Variants in SLC38A8 observed in about 807,000 individuals in gnomAD.
SLC38A8 encodes the protein amino acid transporter SLC38A8.
A neutral mutation model predicts 46.0 loss-of-function variants in SLC38A8; 65 were observed. That is an observed-to-expected ratio of 1.41 (90% CI 1.16 to 1.74). SLC38A8 has a LOEUF of 1.74. SLC38A8 is among the 40% of genes most tolerant of loss of function. SLC38A8 has a pLI of 0.00. For synonymous variants in SLC38A8, 447 were observed against 243.7 expected, an observed-to-expected ratio of 1.83 and a Z score of -7.77; for missense variants, 998 against 567.9, an observed-to-expected ratio of 1.76 and a Z score of -7.70.
intron 7 of SLC38A8, among the ~76,000 whole-genome samples, chr16:84,018,025 T>C (rs1250438628): frequency 1.3e-5 from 2 of 152,070 alleles, no homozygotes; most frequent in African/African-American, 4.8e-5. Context: ...TCTTAGTCCA[T>C]TTTTTGTTGC....
At chr16:84,014,269 C>G (rs2084996596) in intron 9 of SLC38A8, among the ~76,000 whole-genome samples, 1 of 150,944 alleles carries the variant, frequency 6.6e-6, no homozygotes, top group Non-Finnish European at 1.5e-5. Context: ...CACAAGGCCA[C>G]ACCCCTCACC....
intron 9 of SLC38A8, among the ~76,000 whole-genome samples, chr16:84,014,250 G>A (rs1184690479): frequency 1.3e-5 from 2 of 151,216 alleles, no homozygotes; most frequent in African/African-American, 4.9e-5. Context: ...CTAAGCCCGA[G>A]GGAGAAGCCA....
intron 9 of SLC38A8, among the ~76,000 whole-genome samples, 168 bp from the exon 10 acceptor site, chr16:84,013,220 G>C (rs1385171615): frequency 1.3e-5 from 2 of 152,124 alleles, no homozygotes; most frequent in African/African-American, 4.8e-5. Context: ...GGAAGGACGG[G>C]GCTGGAGTCC....
intron 2 of SLC38A8, among the ~76,000 whole-genome samples, chr16:84,039,458 A>AG (rs1000211178): frequency 6.6e-6 from 1 of 152,134 alleles, no homozygotes; most frequent in Non-Finnish European, 1.5e-5. Context: ...GTTGAAAGGC[A>AG]GGGGGGCCGG....
chr16:84,032,107 C>G (rs1348302785), intron 4 of SLC38A8, 139 bp from the exon 5 acceptor site: 13 of 689,592 alleles, frequency 1.9e-5, no homozygotes, highest in Non-Finnish European at 3.3e-5. Context: ...GCCTCACCAT[C>G]CTCATCTGTA....
chr16:84,035,217 G>A (rs779540358), intron 3 of SLC38A8, among the ~76,000 whole-genome samples: 24 of 152,280 alleles, frequency 1.6e-4, no homozygotes, highest in Middle Eastern at 3.4e-3. Context: ...AACTGCAGAC[G>A]AACTCTACTT....
chr16:84,022,057 G>C (rs1433907843), intron 7 of SLC38A8, among the ~76,000 whole-genome samples: 1 of 152,138 alleles, frequency 6.6e-6, no homozygotes. Flanking sequence ...ATCCCCTCTT[G>C]AAGGCCCCAC....
At chr16:84,030,974 T>G (rs924581287) in intron 5 of SLC38A8, among the ~76,000 whole-genome samples, 3 of 152,138 alleles carry the variant, frequency 2.0e-5, no homozygotes, top group Non-Finnish European at 2.9e-5. Context: ...GGCCTCCCAC[T>G]TGGTCTCTGT....
chr16:84,042,557 A>C lies in SLC38A8; in HGVS notation c.-9T>G. The C allele has an allele frequency of 5.0e-5, 8 of 159,474 alleles. No individual in the cohort carries two copies. The highest frequency in any genetic ancestry group is 6.9e-5 in the Non-Finnish European group (5 of 72,682). The allele number at this position is 159,474 out of a possible 1,614,324, so 9.9% of individuals were successfully genotyped here. Reference sequence around the variant, plus strand: ...CCCAGTTCCTGGTCCTTACCACCAAATCCAACTTTTAAGGTGCCGGACAGT... The same window carrying C: ...CCCAGTTCCTGGTCCTTACCACCAACTCCAACTTTTAAGGTGCCGGACAGT... On this transcript the variant is annotated 5_prime_UTR_variant, in exon 1 of 11. Coordinates refer to ENST00000299709, the MANE Select transcript of SLC38A8 (RefSeq NM_001080442.3).
intron 3 of SLC38A8, 113 bp downstream of exon 3, chr16:84,036,589 T>C (rs2085301603): frequency 8.2e-7 from 1 of 1,221,056 alleles, no homozygotes; most frequent in Non-Finnish European, 1.2e-6. Flanking sequence ...TTTCAGCCTC[T>C]GCTGTCCCTC....
rs2085270606 is a variant in SLC38A8 at position 84,033,556 on chromosome 16, G to A, written c.389-87C>T. ...ACCTGGCCCTTCAACCCTGGCTGGG[G>A]TTGGACATCCACCCTCAGCCAGCCC... On this transcript the variant is annotated intron_variant, in intron 3 of 10. Transcript: ENST00000299709. 1.0e-5 allele frequency: 15 copies of A among 1,455,712 alleles called. No homozygotes were observed. The Admixed American group carries it at 1.5e-4, about 15-fold the overall frequency. The allele number at this position is 1,455,712 out of a possible 1,614,324, so 90.2% of individuals were successfully genotyped here.
chr16:84,042,062 G>A lies in SLC38A8; in HGVS notation c.96C>T (p.Ile32=), dbSNP rs2085373854. The A allele has an allele frequency of 6.2e-7, 1 of 1,614,070 alleles. No individual in the cohort carries two copies. Among genetic ancestry groups the A allele is most frequent in the East Asian group, 2.2e-5 (1 of 44,878 alleles). ...ATLSSMGAVF[I]LMKSALGAGL... ...CAGCTCCCAGCGCGGACTTCATGAG[G>A]ATGAAGACAGCGCCCATCGAGGACA... is the stretch of plus-strand genomic sequence containing the variant. The change falls in exon 2 of 11, where the codon ATC becomes ATT. Residue 32 remains isoleucine (I), a synonymous_variant. Coordinates refer to ENST00000299709, the MANE Select transcript of SLC38A8 (RefSeq NM_001080442.3).
chr16:84,009,742 C>T lies in SLC38A8; in HGVS notation c.*42G>A. On this transcript the variant is annotated 3_prime_UTR_variant, in exon 11 of 11. Coordinates refer to ENST00000299709, the MANE Select transcript of SLC38A8 (RefSeq NM_001080442.3). ...GCTGCATACAGCAGCCACGTAGGGT[C>T]AGCCCCCGGAGGGCCCCTTCCTGCC... 2 of 1,570,580 alleles carry T rather than the reference C, an allele frequency of 1.3e-6. No homozygotes were observed. The highest frequency in any genetic ancestry group is 1.1e-5 in the South Asian group (1 of 87,962).
At chr16:84,012,772 C>G (rs147996147) in intron 10 of SLC38A8, among the ~76,000 whole-genome samples, 20 of 152,350 alleles carry the variant, frequency 1.3e-4, no homozygotes, top group South Asian at 4.1e-4. Flanking sequence ...ACCACAGACC[C>G]TCAGAGTGGA....
intron 2 of SLC38A8, among the ~76,000 whole-genome samples, chr16:84,040,552 C>T (rs2085356058): frequency 6.6e-6 from 1 of 152,202 alleles, no homozygotes; most frequent in African/African-American, 2.4e-5. Context: ...CGGGGATTGG[C>T]CACAACCCTA....
rs569480590 is a variant in SLC38A8, at chr16:84,036,971, C to T, written c.190-71G>A. On this transcript the variant is annotated intron_variant, in intron 2 of 10. Transcript: ENST00000299709. ...CACCCACCCCCAGCCAGCCACCCCTCGGGCACACTCTCCACATGGCTTCTC... is the reference window on the plus strand; with the variant it reads ...CACCCACCCCCAGCCAGCCACCCCTTGGGCACACTCTCCACATGGCTTCTC... The T allele has an allele frequency of 3.0e-4, 430 of 1,436,922 alleles. 2 individuals carry two copies. Among genetic ancestry groups the T allele is most frequent in the Middle Eastern group, 2.4e-3 (10 of 4,124 alleles). 89.0% of individuals were successfully genotyped at this position (1,436,922 alleles called of 1,614,324 possible).
At chr16:84,024,215 T>C (rs1385112136) in intron 6 of SLC38A8, among the ~76,000 whole-genome samples, 3 of 151,984 alleles carry the variant, frequency 2.0e-5, no homozygotes, top group Non-Finnish European at 4.4e-5. Flanking sequence ...GGCAGGATGG[T>C]GGTTTGGGTA....
intron 7 of SLC38A8, among the ~76,000 whole-genome samples, chr16:84,021,171 T>C (rs1252855334): frequency 6.6e-6 from 1 of 152,158 alleles, no homozygotes; most frequent in African/African-American, 2.4e-5. Flanking sequence ...CAATTGATAC[T>C]CCTGCCTCAA....
At chr16:84,013,510 A>G (rs2151112157) in intron 9 of SLC38A8, among the ~76,000 whole-genome samples, 1 of 132,112 alleles carries the variant, frequency 7.6e-6, no homozygotes, top group African/African-American at 2.9e-5. Flanking sequence ...GGCTCACTGC[A>G]ACCTCCACCT....
Sources: gnomAD v4.1 joint callset for allele counts (sites outside exome capture counted in the v4.1 genomes callset) on GRCh38, gnomAD v4.1.1 for gene constraint, MANE v1.5 for transcripts, NCBI Gene and HGNC (gene_info 2026-07-23, HGNC 2026-07-21) for gene names.